Variants in EYS observed in about 807,000 individuals in gnomAD.
EYS encodes EGF-like photoreceptor maintenance factor.
Under a neutral mutation model 282.1 loss-of-function variants are expected in EYS, and 250 were observed. The observed-to-expected ratio is 0.89, with a 90% CI of 0.80 to 0.98. The LOEUF (loss-of-function observed/expected upper bound fraction) is 0.98, where lower values mean the gene tolerates loss of function less well. EYS is among the 50% of genes least tolerant of loss of function. The probability of loss-of-function intolerance (pLI) is 0.00; values close to 1 mark genes in which losing one functional copy is unlikely to be tolerated. For synonymous variants in EYS, 1,355 were observed against 1,282.9 expected, an observed-to-expected ratio of 1.06 and a Z score of -1.20; for missense variants, 4,016 against 3,709.0, an observed-to-expected ratio of 1.08 and a Z score of -2.15.
chr6:63,902,818 T>C (rs1773689273), intron 35 of EYS, among the ~76,000 whole-genome samples: 1 of 152,116 alleles, frequency 6.6e-6, no homozygotes, highest in Non-Finnish European at 1.5e-5. Flanking sequence ...AGCAAGAGTT[T>C]ACTGAAAGAG....
intron 10 of EYS, among the ~76,000 whole-genome samples, chr6:65,342,543 T>G (rs1399529532): frequency 6.6e-6 from 1 of 150,554 alleles, no homozygotes; most frequent in Non-Finnish European, 1.5e-5. Context: ...ATTAATCAAA[T>G]TAATCAAATT....
intron 31 of EYS, among the ~76,000 whole-genome samples, chr6:64,202,474 C>T (rs1765487920): frequency 6.6e-6 from 1 of 152,066 alleles, no homozygotes; most frequent in Admixed American, 6.6e-5. Context: ...ATAAATAAAA[C>T]TTATTTCAGA....
At chr6:65,286,135 A>C (rs1353276017) in intron 12 of EYS, among the ~76,000 whole-genome samples, 1 of 151,916 alleles carries the variant, frequency 6.6e-6, no homozygotes, top group African/African-American at 2.4e-5. Flanking sequence ...TGTCATTTTC[A>C]TACTTAGACC....
intron 22 of EYS, among the ~76,000 whole-genome samples, chr6:64,774,404 A>G (rs897275002): frequency 6.6e-6 from 1 of 151,924 alleles, no homozygotes; most frequent in African/African-American, 2.4e-5. Context: ...TCTCCACTCA[A>G]TCTGGGAGCA....
chr6:64,515,537 C>A (rs901960247), intron 26 of EYS, among the ~76,000 whole-genome samples: 7 of 151,044 alleles, frequency 4.6e-5, no homozygotes, highest in Middle Eastern at 3.9e-3. Flanking sequence ...TGGAAATAGA[C>A]CCTAATTTAT....
intron 19 of EYS, among the ~76,000 whole-genome samples, chr6:64,857,765 C>A (rs1766110326): frequency 6.6e-6 from 1 of 152,102 alleles, no homozygotes; most frequent in South Asian, 2.1e-4. Flanking sequence ...TCCATGCCAA[C>A]ATTGGTTCTC....
intron 35 of EYS, among the ~76,000 whole-genome samples, chr6:63,874,070 A>G (rs1772893869): frequency 2.6e-5 from 4 of 152,196 alleles, no homozygotes; most frequent in Admixed American, 2.6e-4. Context: ...GTCCTTGCCC[A>G]TGCCTATGTC....
intron 2 of EYS, among the ~76,000 whole-genome samples, chr6:65,592,792 TG>T (rs1193379191): frequency 6.6e-6 from 1 of 151,992 alleles, no homozygotes. Context: ...CTAAGAAGAA[TG>T]GTTGGTTTTA....
rs907531056 is a variant in EYS at position 65,495,205 on chromosome 6, G to C, written c.206C>G (p.Ser69Ter). The stretch of plus-strand genomic sequence containing the variant: ...AATCTGGGGAACAGCTTGATTGCCT[G>C]AAGTATCTATTTTAGTGTTTACACC... ...FLGVNTKIDT[S>*]GNQAVPQICP... Residue 69 changes from serine to a stop codon, truncating the protein, a stop_gained, in exon 4 of 43, where the codon TCA becomes TGA. Coordinates refer to ENST00000503581, the MANE Select transcript of EYS (RefSeq NM_001142800.2). LOFTEE classifies it high-confidence loss of function. 6.2e-7 allele frequency: 1 copy of C among 1,614,180 alleles called. No individual in the cohort carries two copies. Among genetic ancestry groups the C allele is most frequent in the South Asian group, 1.1e-5 (1 of 91,086 alleles).
At chr6:65,289,389 T>C (rs1768459092) in intron 12 of EYS, among the ~76,000 whole-genome samples, 1 of 151,002 alleles carries the variant, frequency 6.6e-6, no homozygotes, top group South Asian at 2.1e-4. Context: ...ATTTCCAACA[T>C]TTAGCTACAC....
intron 31 of EYS, among the ~76,000 whole-genome samples, chr6:64,186,026 T>A (rs1764928908): frequency 6.6e-6 from 1 of 152,132 alleles, no homozygotes; most frequent in South Asian, 2.1e-4. Flanking sequence ...AATACTCACA[T>A]ACTTCTCAGG....
intron 12 of EYS, among the ~76,000 whole-genome samples, chr6:65,097,813 AC>A (rs1487602332): frequency 1.3e-5 from 2 of 150,404 alleles, no homozygotes; most frequent in African/African-American, 4.9e-5. Context: ...AAAAAAAAAA[AC>A]AAAGTACAAT....
chr6:64,820,972 A>G (rs1764881867), intron 21 of EYS, among the ~76,000 whole-genome samples: 1 of 152,188 alleles, frequency 6.6e-6, no homozygotes, highest in East Asian at 1.9e-4. Flanking sequence ...TTTAGTTTGT[A>G]TGCTTCCTCC....
chr6:64,239,548 C>T (rs1766725176), intron 30 of EYS, among the ~76,000 whole-genome samples: 1 of 149,984 alleles, frequency 6.7e-6, no homozygotes, highest in Non-Finnish European at 1.5e-5. Flanking sequence ...GCATAAATGT[C>T]TTCTTTTGAG....
chr6:65,099,627 G>C (rs1774837959), intron 12 of EYS, among the ~76,000 whole-genome samples: 1 of 150,600 alleles, frequency 6.6e-6, no homozygotes, highest in South Asian at 2.1e-4. Flanking sequence ...TAATATAACT[G>C]ATGGAATTTC....
At chr6:64,553,771 A>T (rs2149807354) in intron 26 of EYS, among the ~76,000 whole-genome samples, 1 of 152,270 alleles carries the variant, frequency 6.6e-6, no homozygotes, top group Admixed American at 6.5e-5. Flanking sequence ...GTCATTTAAA[A>T]TTTCAGAAAA....
intron 31 of EYS, among the ~76,000 whole-genome samples, chr6:64,091,568 G>A (rs1004447577): frequency 6.6e-6 from 1 of 152,148 alleles, no homozygotes; most frequent in Non-Finnish European, 1.5e-5. Context: ...CAATTAAGCT[G>A]CTGCGTGCTA....
In EYS at chr6:64,395,025, G is replaced by A. The variant is rs1454491219; in HGVS notation, c.5928-6185C>T. ...ACATTTATGCAGCCAACAGACACAT[G>A]AAAAAATGCTCATCATCACTGGCCA... On this transcript the variant is annotated intron_variant, in intron 28 of 42. Coordinates refer to ENST00000503581, the MANE Select transcript of EYS (RefSeq NM_001142800.2). 3.3e-5 allele frequency among the ~76,000 whole-genome samples: 5 copies of A among 152,278 alleles called. No individual in the cohort carries two copies. In the East Asian group the frequency reaches 9.7e-4, roughly 29 times the overall value.
intron 15 of EYS, among the ~76,000 whole-genome samples, chr6:64,922,794 C>T (rs1203140726): frequency 6.6e-6 from 1 of 152,120 alleles, no homozygotes; most frequent in Admixed American, 6.5e-5. Context: ...CCAGTACCTG[C>T]AGGTCACAAG....
Sources: allele counts gnomAD v4.1 joint callset (sites outside exome capture counted in the v4.1 genomes callset), GRCh38; gene constraint gnomAD v4.1.1; transcripts MANE v1.5; gene names NCBI Gene and HGNC (gene_info 2026-07-23, HGNC 2026-07-21).